WDR70: variants seen among roughly 807,000 people sequenced by gnomAD.
The protein encoded by WDR70 is WD repeat domain 70.
A neutral mutation model predicts 88.6 loss-of-function variants in WDR70; 53 were observed. The observed-to-expected ratio is 0.60, with a 90% CI of 0.48 to 0.75. WDR70 has a LOEUF of 0.75. Among genes scored for constraint, WDR70 ranks in the 30% least tolerant of loss-of-function variants. The pLI, the probability that WDR70 is intolerant of heterozygous loss-of-function variation, is 0.00. For missense variants in WDR70, 610 were observed against 823.2 expected (o/e 0.74, Z 3.17); for synonymous variants, 280 against 270.0 (o/e 1.04, Z -0.36).
chr5:37,637,379 AAG>A (rs1249720559), intron 10 of WDR70, among the ~76,000 whole-genome samples: 1 of 148,918 alleles, frequency 6.7e-6, no homozygotes, highest in Admixed American at 6.7e-5. Flanking sequence ...AAATAAATAA[AAG>A]ATTTATAAAT....
intron 7 of WDR70, among the ~76,000 whole-genome samples, chr5:37,456,953 A>C (rs1218139431): frequency 6.6e-6 from 1 of 152,230 alleles, no homozygotes; most frequent in African/African-American, 2.4e-5. Context: ...CTTCATTAAT[A>C]AAGAAGGAAA....
intron 10 of WDR70, among the ~76,000 whole-genome samples, chr5:37,665,422 A>G (rs1227614621): frequency 6.6e-6 from 1 of 152,166 alleles, no homozygotes; most frequent in Non-Finnish European, 1.5e-5. Flanking sequence ...ATAACAGCAC[A>G]TTGGTAATGT....
At chr5:37,741,459 A>T (rs112326186) in intron 17 of WDR70, among the ~76,000 whole-genome samples, 41 of 152,230 alleles carry the variant, frequency 2.7e-4, no homozygotes, top group African/African-American at 9.6e-4. Context: ...TTCGTGGAAG[A>T]CAATTTTTCC....
intron 9 of WDR70, among the ~76,000 whole-genome samples, chr5:37,567,213 CAT>C (rs746121509): frequency 3.3e-5 from 5 of 152,138 alleles, no homozygotes; most frequent in Admixed American, 6.5e-5. Flanking sequence ...TCATCACACA[CAT>C]AGTCATCACA....
chr5:37,645,909 T>G lies in WDR70; in HGVS notation c.1092+40671T>G, dbSNP rs141158530. ...TAAGCAACAGGTCATTGGGTCTTGT[T>G]TTTTCATCCATTCAGCCAGTTTGTA... is the stretch of plus-strand genomic sequence containing the variant. On this transcript the variant is annotated intron_variant, in intron 10 of 17. Coordinates refer to ENST00000265107, the MANE Select transcript of WDR70 (RefSeq NM_018034.4). Among the ~76,000 whole-genome samples the G allele has an allele frequency of 6.8e-4, 103 of 152,218 alleles. 1 individual carries two copies. In the East Asian group the frequency reaches 0.018, roughly 26 times the overall value.
At position 37,524,787 on chromosome 5, in the gene WDR70, A is replaced by G. The variant is rs550726561; in HGVS notation, c.917+8197A>G. 4.7e-3 allele frequency among the ~76,000 whole-genome samples: 715 copies of G among 152,342 alleles called. 3 individuals are homozygous for G. The highest frequency in any genetic ancestry group is 8.6e-3 in the Non-Finnish European group (585 of 68,038). ...GCTCAAAATAAAAGGATGGAGGAAGATCTACCAAGTAAATGGAAAACAAAA... is the reference window on the plus strand; with the variant it reads ...GCTCAAAATAAAAGGATGGAGGAAGGTCTACCAAGTAAATGGAAAACAAAA... On this transcript the variant is annotated intron_variant, in intron 9 of 17. Coordinates refer to ENST00000265107, the MANE Select transcript of WDR70 (RefSeq NM_018034.4).
intron 17 of WDR70, among the ~76,000 whole-genome samples, chr5:37,730,562 G>C (rs186224421): frequency 6.6e-6 from 1 of 152,024 alleles, no homozygotes; most frequent in Admixed American, 6.6e-5. Context: ...GTACTCCGTT[G>C]TACGAATTTA....
chr5:37,522,418 C>G (rs1741123578), intron 9 of WDR70, among the ~76,000 whole-genome samples: 1 of 136,646 alleles, frequency 7.3e-6, no homozygotes, highest in Non-Finnish European at 1.5e-5. Flanking sequence ...TTACAGTGAG[C>G]TAAGATCGCG....
intron 10 of WDR70, among the ~76,000 whole-genome samples, chr5:37,650,172 T>A (rs1745360207): frequency 6.7e-6 from 1 of 149,948 alleles, no homozygotes; most frequent in South Asian, 2.1e-4. Context: ...CCAAGGTGGG[T>A]GGATCACGAG....
intron 5 of WDR70, among the ~76,000 whole-genome samples, chr5:37,420,450 C>G (rs1392270087): frequency 6.6e-6 from 1 of 150,632 alleles, no homozygotes. Flanking sequence ...TTTCTTTTTT[C>G]TTTTTTAGAC....
intron 5 of WDR70, among the ~76,000 whole-genome samples, chr5:37,424,878 C>T (rs938047694): frequency 6.6e-6 from 1 of 151,892 alleles, no homozygotes; most frequent in Non-Finnish European, 1.5e-5. Context: ...TTCTAGGTAC[C>T]TAGATACATC....
At chr5:37,576,127 G>A (rs1304779088) in intron 9 of WDR70, among the ~76,000 whole-genome samples, 3 of 24,460 alleles carry the variant, frequency 1.2e-4, no homozygotes, top group African/African-American at 3.4e-4. Flanking sequence ...CCCTCCCTCC[G>A]CCCTCCTTCC....
intron 6 of WDR70, among the ~76,000 whole-genome samples, chr5:37,440,140 A>G (rs537063876): frequency 2.6e-5 from 4 of 152,210 alleles, no homozygotes; most frequent in African/African-American, 7.2e-5. Flanking sequence ...TTTATTTTTT[A>G]TATCTCTATA....
chr5:37,437,039 ACTGTCCCTCAGTTGTT>A (rs1245722614), intron 5 of WDR70, among the ~76,000 whole-genome samples: 2 of 152,090 alleles, frequency 1.3e-5, no homozygotes, highest in Non-Finnish European at 2.9e-5. Context: ...ATTCCTCTTT[ACTGTCCCTCAGTTGTT>A]CTGCCCATAC....
At position 37,575,475 on chromosome 5, in the gene WDR70, C is replaced by T. The variant is rs148557713; in HGVS notation, c.918-29589C>T. On this transcript the variant is annotated intron_variant, in intron 9 of 17. Transcript: ENST00000265107. ...TAGACATTTGGAACTTTAAGCTCTA[C>T]CCCCATCCTCCAGGGAGAGGAGTGA... is the stretch of plus-strand genomic sequence containing the variant. Among the ~76,000 whole-genome samples, 366 of 152,258 alleles carry T rather than the reference C, an allele frequency of 2.4e-3. 5 individuals are homozygous for T. In the East Asian group the frequency reaches 0.041, roughly 17 times the overall value.
intron 9 of WDR70, among the ~76,000 whole-genome samples, chr5:37,582,316 A>ACGT (rs1164454455): frequency 6.6e-6 from 1 of 152,196 alleles, no homozygotes; most frequent in Non-Finnish European, 1.5e-5. Context: ...TTTCAGGAAA[A>ACGT]CGTGTATTGA....
intron 5 of WDR70, among the ~76,000 whole-genome samples, chr5:37,427,048 T>G (rs577707475): frequency 6.6e-6 from 1 of 152,322 alleles, no homozygotes; most frequent in African/African-American, 2.4e-5. Context: ...AGTTTTAGAA[T>G]TACAGGCTAC....
intron 7 of WDR70, among the ~76,000 whole-genome samples, chr5:37,463,608 G>A (rs1739076572): frequency 6.6e-6 from 1 of 152,158 alleles, no homozygotes; most frequent in African/African-American, 2.4e-5. Context: ...ATGTCACTAA[G>A]CCTTCCTCTG....
At chr5:37,644,874 T>C (rs918143287) in intron 10 of WDR70, among the ~76,000 whole-genome samples, 6 of 152,036 alleles carry the variant, frequency 3.9e-5, no homozygotes, top group Middle Eastern at 6.8e-3. Flanking sequence ...TTTTTGTTAA[T>C]TTTTTTGTTA....
Sources: gnomAD v4.1 joint callset for allele counts (sites outside exome capture counted in the v4.1 genomes callset) on GRCh38, gnomAD v4.1.1 for gene constraint, MANE v1.5 for transcripts, NCBI Gene and HGNC (gene_info 2026-07-23, HGNC 2026-07-21) for gene names.